Variants in KLF12 observed in about 807,000 individuals in gnomAD.
KLF12 encodes KLF transcription factor 12.
In KLF12, 9 loss-of-function variants were observed where a neutral mutation model predicts 37.8. The observed-to-expected ratio is 0.24, with a 90% CI of 0.14 to 0.42. The LOEUF (loss-of-function observed/expected upper bound fraction) is 0.42. Ranked by LOEUF, KLF12 falls within the 10% of genes least tolerant of loss-of-function variation. The pLI is 1.00. For missense variants in KLF12, 411 were observed against 516.0 expected (o/e 0.80, Z 1.97); for synonymous variants, 208 against 202.1 (o/e 1.03, Z -0.25).
At chr13:74,098,526 T>C (rs553387118) in intron 1 of KLF12, among the ~76,000 whole-genome samples, 1 of 152,344 alleles carries the variant, frequency 6.6e-6, no homozygotes, top group East Asian at 1.9e-4. Context: ...TTTACCTTTA[T>C]CTGTAGAAGA....
intron 3 of KLF12, among the ~76,000 whole-genome samples, chr13:73,921,654 GAGAT>G (rs1428466604): frequency 6.6e-6 from 1 of 152,070 alleles, no homozygotes; most frequent in Non-Finnish European, 1.5e-5. Flanking sequence ...GTGTATATAT[GAGAT>G]ATATACAAGA....
At chr13:74,035,345 A>C (rs1375657418) in intron 1 of KLF12, among the ~76,000 whole-genome samples, 1 of 151,878 alleles carries the variant, frequency 6.6e-6, no homozygotes, top group African/African-American at 2.4e-5. Context: ...CGGTTGGTGG[A>C]ATTTGTGGAT....
At chr13:74,254,301 G>A in the KLF12 span, among the ~76,000 whole-genome samples, 33 of 152,264 alleles carry the variant, frequency 2.2e-4, 1 homozygote, top group South Asian at 6.0e-3. Context: ...TGGATGGTAG[G>A]CTCTAGGTAA....
chr13:74,169,722 A>G, the KLF12 span, among the ~76,000 whole-genome samples: 4 of 152,232 alleles, frequency 2.6e-5, no homozygotes, highest in African/African-American at 9.6e-5. Flanking sequence ...CTGACAAGAA[A>G]ATGCCCCTGG....
intron 2 of KLF12, among the ~76,000 whole-genome samples, chr13:73,975,429 T>A (rs1891485447): frequency 6.6e-6 from 1 of 152,218 alleles, no homozygotes; most frequent in South Asian, 2.1e-4. Context: ...TCATTTTATC[T>A]GCCTCCTAAA....
chr13:74,268,987 T>G, the KLF12 span, among the ~76,000 whole-genome samples: 4 of 152,266 alleles, frequency 2.6e-5, no homozygotes, highest in Admixed American at 2.6e-4. Context: ...GAAAGGAGAA[T>G]GGACAGAATC....
chr13:74,060,490 G>GTGTGTGTGTGTGTGTGTGCGTGCGTC (rs1356318557), intron 1 of KLF12, among the ~76,000 whole-genome samples: 1 of 98,564 alleles, frequency 1.0e-5, no homozygotes, highest in African/African-American at 3.5e-5. Flanking sequence ...GGTTTTGTGT[G>GTGTGTGTGTGTGTGTGTGCGTGCGTC]TGTGTGTGTG....
chr13:73,850,193 CAA>C (rs1885261132), intron 3 of KLF12, among the ~76,000 whole-genome samples: 3 of 152,214 alleles, frequency 2.0e-5, no homozygotes, highest in South Asian at 4.1e-4. Context: ...GTCTTTTCTC[CAA>C]AAGTCTCAAA....
intron 4 of KLF12, among the ~76,000 whole-genome samples, chr13:73,836,416 C>G (rs9573309): frequency 6.6e-6 from 1 of 151,870 alleles, no homozygotes; most frequent in Non-Finnish European, 1.5e-5. Context: ...AATTTAAAAC[C>G]GTGCTGGTAA....
At chr13:74,175,046 A>C in the KLF12 span, among the ~76,000 whole-genome samples, 1 of 152,204 alleles carries the variant, frequency 6.6e-6, no homozygotes, top group South Asian at 2.1e-4. Context: ...TGCCACAAGC[A>C]TGGAGCCCCG....
chr13:73,882,888 G>A (rs1056098978), intron 3 of KLF12, among the ~76,000 whole-genome samples: 2 of 152,068 alleles, frequency 1.3e-5, no homozygotes, highest in African/African-American at 2.4e-5. Flanking sequence ...GGCGATTTAG[G>A]GAACCATCTC....
chr13:73,769,589 C>CA (rs1440018810), intron 5 of KLF12, among the ~76,000 whole-genome samples: 1 of 152,180 alleles, frequency 6.6e-6, no homozygotes, highest in African/African-American at 2.4e-5. Context: ...GAGCTACCAT[C>CA]ATGACCTTCC....
At position 74,065,688 on chromosome 13, in the gene KLF12, G is replaced by C. The variant is rs533060115; in HGVS notation, c.-32+68051C>G. ...TCCAGGATAAATTCCCAGTTTCTGA[G>C]CCCATGAAGCAGTGTAGGAGTGACG... On this transcript the variant is annotated intron_variant, in intron 1 of 7. Transcript: ENST00000377669. Among the ~76,000 whole-genome samples, 87 of 152,140 alleles carry C rather than the reference G, an allele frequency of 5.7e-4. No homozygotes were observed. In the South Asian group the frequency reaches 0.017, roughly 31 times the overall value.
intron 3 of KLF12, among the ~76,000 whole-genome samples, chr13:73,927,511 G>C (rs1275365645): frequency 6.6e-6 from 1 of 152,112 alleles, no homozygotes; most frequent in African/African-American, 2.4e-5. Flanking sequence ...ACAAGAGTCA[G>C]CTCTGTTTCC....
chr13:73,784,152 T>C (rs565353131), intron 5 of KLF12, among the ~76,000 whole-genome samples: 18 of 152,344 alleles, frequency 1.2e-4, no homozygotes, highest in South Asian at 4.2e-4. Context: ...ACAATCTCTG[T>C]TGCTTCTTTC....
At chr13:74,273,628 CATA>C in the KLF12 span, among the ~76,000 whole-genome samples, 14 of 151,948 alleles carry the variant, frequency 9.2e-5, no homozygotes, top group Admixed American at 9.2e-4. Context: ...AATTAATAAT[CATA>C]ATAAACCTGA....
chr13:74,158,463 ACT>A, the KLF12 span, among the ~76,000 whole-genome samples: 1 of 152,064 alleles, frequency 6.6e-6, no homozygotes, highest in Non-Finnish European at 1.5e-5. Flanking sequence ...CTTCACTCAC[ACT>A]CTTGCTTTCT....
Position 74,069,663 on chromosome 13 carries a change from A to G in KLF12, c.-32+64076T>C, listed in dbSNP as rs17062075. On this transcript the variant is annotated intron_variant, in intron 1 of 7. Coordinates refer to ENST00000377669, the MANE Select transcript of KLF12 (RefSeq NM_007249.5). Reference sequence around the variant, plus strand: ...ATATTTTAGCATAGTATCTTTTCCAACAGTTTAGAAAATGAACACAGGTAA... The same window carrying G: ...ATATTTTAGCATAGTATCTTTTCCAGCAGTTTAGAAAATGAACACAGGTAA... Among the ~76,000 whole-genome samples, 663 of 152,330 alleles carry G rather than the reference A, an allele frequency of 4.4e-3. 9 individuals carry two copies. The highest frequency in any genetic ancestry group is 0.015 in the African/African-American group (635 of 41,570).
intron 1 of KLF12, among the ~76,000 whole-genome samples, chr13:74,010,049 A>C (rs1892510506): frequency 1.3e-5 from 2 of 151,980 alleles, no homozygotes; most frequent in Admixed American, 1.3e-4. Context: ...TCCTGGGCTC[A>C]AGCAAGCCTC....
Sources: allele counts gnomAD v4.1 joint callset (sites outside exome capture counted in the v4.1 genomes callset), GRCh38; gene constraint gnomAD v4.1.1; transcripts MANE v1.5; gene names NCBI Gene and HGNC (gene_info 2026-07-23, HGNC 2026-07-21).